The following NSMF variants were observed in gnomAD, a reference collection of about 807,000 sequenced individuals.
NSMF encodes nasal embryonic LHRH factor.
Under a neutral mutation model 71.0 loss-of-function variants are expected in NSMF, and 31 were observed. The observed-to-expected ratio is 0.44, with a 90% confidence interval of 0.33 to 0.59. The LOEUF (loss-of-function observed/expected upper bound fraction) is 0.59. NSMF is among the 20% of genes least tolerant of loss of function. The pLI, the probability that NSMF is intolerant of heterozygous loss-of-function variation, is 0.04. For missense variants in NSMF, 673 were observed against 740.5 expected (o/e 0.91, Z 1.06); for synonymous variants, 345 against 287.1 (o/e 1.20, Z -2.04).
intron 14 of NSMF, 53 bp from the exon 15 acceptor site, chr9:137,449,727 G>A (rs1839815692): frequency 3.9e-6 from 6 of 1,523,808 alleles, no homozygotes; most frequent in East Asian, 4.6e-5. Context: ...GGAAGGAGGA[G>A]CGGGGAGGAG....
chr9:137,458,861 G>A (rs1831018609), intron 1 of NSMF, among the ~76,000 whole-genome samples, 171 bp downstream of exon 1: 2 of 152,136 alleles, frequency 1.3e-5, no homozygotes, highest in African/African-American at 4.8e-5. Context: ...GGGGAGGGGA[G>A]GGAAGAGCAG....
chr9:137,450,419 ACACGCCTCTTCCCTTTGATCTCCCCCC>A (rs1830425792), intron 12 of NSMF, among the ~76,000 whole-genome samples, 164 bp from the exon 13 acceptor site: 2 of 22,370 alleles, frequency 8.9e-5, no homozygotes, highest in African/African-American at 2.0e-4. Flanking sequence ...CTCCCCCACC[ACACGCCTCTTCCCTTTGATCTCCCCCC>A]CACGCCTCTT....
chr9:137,455,051 T>C lies in NSMF; in HGVS notation c.779+188A>G, dbSNP rs1475871929. ...GACACGTGCCCTCGGAGTGCAGGACTGAGGGTGAGATGCTTTCCTGCAGCC... is the reference window on the plus strand; with the variant it reads ...GACACGTGCCCTCGGAGTGCAGGACCGAGGGTGAGATGCTTTCCTGCAGCC... On this transcript the variant is annotated intron_variant, in intron 6 of 15. Transcript: ENST00000371475. 6.7e-6 allele frequency: 5 copies of C among 749,526 alleles called. No individual in the cohort carries two copies. The Admixed American group carries it at 1.0e-4, about 15-fold the overall frequency. The allele number at this position is 749,526 out of a possible 1,614,324, so 46.4% of individuals were successfully genotyped here.
At position 137,459,189 on chromosome 9, in the gene NSMF, C is replaced by G; in HGVS notation, c.-87G>C. The G allele has an allele frequency of 1.0e-6, 1 of 994,554 alleles. No individual in the cohort carries two copies. The highest frequency in any genetic ancestry group is 1.2e-6 in the Non-Finnish European group (1 of 809,118). 61.6% of individuals were successfully genotyped at this position (994,554 alleles called of 1,614,324 possible). A position where few individuals can be genotyped will look rare whatever the true frequency, so the allele number is the denominator to read the frequency against. ...GGGGTAGCCGCGCCGCACCGGGGGTCGCGCTCGGGCTCGGGCTCGGGGTCT... is the reference window on the plus strand; with the variant it reads ...GGGGTAGCCGCGCCGCACCGGGGGTGGCGCTCGGGCTCGGGCTCGGGGTCT... On this transcript the variant is annotated 5_prime_UTR_variant, in exon 1 of 16. Transcript: ENST00000371475.
Position 137,452,947 on chromosome 9 carries a change from C to T in NSMF, c.1047+109G>A, listed in dbSNP as rs979927809. 1.9e-6 allele frequency: 3 copies of T among 1,576,708 alleles called. No homozygotes were observed. The Admixed American group carries it at 5.0e-5, about 26-fold the overall frequency. On this transcript the variant is annotated intron_variant, in intron 9 of 15. Transcript: ENST00000371475. ...GGTATAGCCCTGTGAGACACCCTCC[C>T]CCAGGCAGCTGGAGAAGGCTGCGTG...
chr9:137,452,872 G>A lies in NSMF; in HGVS notation c.1048-53C>T, dbSNP rs746822892. 4.5e-6 allele frequency: 7 copies of A among 1,557,562 alleles called. No individual in the cohort carries two copies. The African/African-American group carries it at 6.8e-5, about 15-fold the overall frequency. ...CCCCAGGCCCATCCAAAAGCCAAGG[G>A]GCTGTGGGAGCCCCCATGAGGCTAC... On this transcript the variant is annotated intron_variant, in intron 9 of 15. Transcript: ENST00000371475.
In NSMF at chr9:137,453,859, C is replaced by T; in HGVS notation, c.833-39G>A. 6.6e-7 allele frequency: 1 copy of T among 1,525,752 alleles called. No individual in the cohort carries two copies. The highest frequency in any genetic ancestry group is 8.8e-7 in the Non-Finnish European group (1 of 1,134,490). The allele number at this position is 1,525,752 out of a possible 1,614,324, so 94.5% of individuals were successfully genotyped here. A position where few individuals can be genotyped will look rare whatever the true frequency, so the allele number is the denominator to read the frequency against. On this transcript the variant is annotated intron_variant, in intron 7 of 15. Transcript: ENST00000371475. The surrounding 1 kb of genome is among the most constrained non-coding windows in gnomAD (Gnocchi z 4.5). ...AACCCGCATTAGCGAGCGGGTGGGG[C>T]GGGGCCTCGGGAGTCTCAGACCCCA...
In NSMF at chr9:137,458,500, G is replaced by A. The variant is rs1186752982; in HGVS notation, c.121C>T (p.Arg41Cys). Residue 41 changes from arginine to cysteine, a missense_variant, in exon 2 of 16, where the codon CGC becomes TGC. Physicochemically the swap from Arg to Cys is radical, Grantham distance 180. This residue lies in a region of NSMF where 471 missense variants were observed against 459.6 expected (regional missense o/e 1.02). Coordinates refer to ENST00000371475, the MANE Select transcript of NSMF (RefSeq NM_001130969.3). ...EYLSQSHPEN[R>C]NGADHLLADA... is the part of the protein sequence containing the mutation. The stretch of plus-strand genomic sequence containing the variant: ...CGCGTGCCCCTACCTGCGCCGTTGC[G>A]GTTCTCAGGGTGACTCTGGGACAGG... The A allele has an allele frequency of 5.0e-6, 8 of 1,593,312 alleles. No homozygotes were observed. The highest frequency in any genetic ancestry group is 4.6e-5 in the East Asian group (2 of 43,516).
chr9:137,455,228 G>C lies in NSMF; in HGVS notation c.779+11C>G, dbSNP rs751925940. ...GATGGACCCTGGTGGCGAGTGGCTG[G>C]CAGGCCCTACCTCTGGATTACAGAC... On this transcript the variant is annotated intron_variant, in intron 6 of 15. Transcript: ENST00000371475. 1 of 1,612,404 alleles carries C rather than the reference G, an allele frequency of 6.2e-7. No individual in the cohort carries two copies.
At chr9:137,454,841 G>A in intron 6 of NSMF, 1 of 1,194,788 alleles carries the variant, frequency 8.4e-7, no homozygotes. Flanking sequence ...GCGGGCTGGG[G>A]GCCTGCAGGA....
chr9:137,454,535 C>T, intron 6 of NSMF, 92 bp from the exon 7 acceptor site: 1 of 1,549,346 alleles, frequency 6.5e-7, no homozygotes. Context: ...GCTCTACTCT[C>T]ACCCCTTCGG....
chr9:137,454,071 G>A (rs7467210), intron 7 of NSMF, among the ~76,000 whole-genome samples: 2 of 142,250 alleles, frequency 1.4e-5, no homozygotes, highest in East Asian at 2.2e-4. Flanking sequence ...GTGGCTGGGA[G>A]GGGAGGAGCC....
chr9:137,453,551 G>A lies in NSMF; in HGVS notation c.922+180C>T, dbSNP rs901847336. 20 of 622,342 alleles carry A rather than the reference G, an allele frequency of 3.2e-5. No individual in the cohort carries two copies. The highest frequency in any genetic ancestry group is 4.7e-5 in the Non-Finnish European group (17 of 359,626). 38.6% of individuals were successfully genotyped at this position (622,342 alleles called of 1,614,324 possible). ...GCCCCCGGCCAGCACTGCCGCGGCCGTTGTTAGCCCCGCCTTTGCGATCGG... is the reference window on the plus strand; with the variant it reads ...GCCCCCGGCCAGCACTGCCGCGGCCATTGTTAGCCCCGCCTTTGCGATCGG... On this transcript the variant is annotated intron_variant, in intron 8 of 15. Transcript: ENST00000371475. The surrounding 1 kb of genome is among the most constrained non-coding windows in gnomAD (Gnocchi z 4.5).
At chr9:137,454,318 A>G (rs1830719838) in intron 7 of NSMF, 73 bp downstream of exon 7, 1 of 1,408,574 alleles carries the variant, frequency 7.1e-7, no homozygotes, top group Non-Finnish European at 9.8e-7. Context: ...TTCTTATCGC[A>G]GCTAGCAGCA....
In NSMF at chr9:137,453,100, C is replaced by T. The variant is rs764100739; in HGVS notation, c.1003G>A (p.Ala335Thr). Residue 335 changes from alanine (A) to threonine (T), a missense_variant, in exon 9 of 16, where the codon GCT becomes ACT. Coordinates refer to ENST00000371475, the MANE Select transcript of NSMF (RefSeq NM_001130969.3). The surrounding 1 kb of genome is among the most constrained non-coding windows in gnomAD (Gnocchi z 4.5). ...AAGCCTTCGGTGTCGCAGGCCACAG[C>T]CTCCAGGCCCTTCTCAGTGTCCCAG... ...LDWDTEKGLE[A>T]VACDTEGFVP... The T allele has an allele frequency of 3.1e-6, 5 of 1,612,660 alleles. No homozygotes were observed. Among genetic ancestry groups the T allele is most frequent in the Admixed American group, 1.7e-5 (1 of 60,024 alleles).
chr9:137,454,875 T>C (rs921583452), intron 6 of NSMF: 2 of 511,650 alleles, frequency 3.9e-6, no homozygotes, highest in Non-Finnish European at 5.0e-6. Flanking sequence ...CTCTGTGTCC[T>C]TGAGCCACCT....
In NSMF at chr9:137,459,014, C is replaced by T. The variant is rs1198370463; in HGVS notation, c.71+18G>A. ...AGGTCCAGGGCGGGGTGCGGGAAGG[C>T]GGCCCCGCCGCACTCACCGCACTTT... On this transcript the variant is annotated intron_variant, in intron 1 of 15. Coordinates refer to ENST00000371475, the MANE Select transcript of NSMF (RefSeq NM_001130969.3). 7.9e-7 allele frequency: 1 copy of T among 1,272,956 alleles called. No homozygotes were observed. The highest frequency in any genetic ancestry group is 9.9e-7 in the Non-Finnish European group (1 of 1,010,300). The allele number at this position is 1,272,956 out of a possible 1,614,324, so 78.9% of individuals were successfully genotyped here.
rs989468815 is a variant in NSMF at position 137,448,814 on chromosome 9, C to T, written c.*580G>A. On this transcript the variant is annotated 3_prime_UTR_variant, in exon 16 of 16. Transcript: ENST00000371475. The surrounding 1 kb of genome is among the most constrained non-coding windows in gnomAD (Gnocchi z 5.3). ...AAGCACAGACAGTCGGAGACTCGGC[C>T]AGTGTAGACAGACCCAGAGACTCGG... 2.4e-5 allele frequency: 4 copies of T among 166,198 alleles called. No individual in the cohort carries two copies. The highest frequency in any genetic ancestry group is 9.6e-5 in the African/African-American group (4 of 41,570). The allele number at this position is 166,198 out of a possible 1,614,324, so 10.3% of individuals were successfully genotyped here.
Position 137,455,631 on chromosome 9 carries a change from G to A in NSMF, c.708C>T (p.Ile236=). Residue 236 remains isoleucine, a splice_region_variant and synonymous_variant, in exon 5 of 16, where the codon ATC becomes ATT. Transcript: ENST00000371475. ...FQTATTTMQA[I]SVFRGYAERK... ...CACCAAGTCATACAGGTACTTACGAGATGCTGAAGCCAGGGCCAGAAGGGA... is the reference window on the plus strand; with the variant it reads ...CACCAAGTCATACAGGTACTTACGAAATGCTGAAGCCAGGGCCAGAAGGGA... 6.4e-7 allele frequency: 1 copy of A among 1,550,392 alleles called. No homozygotes were observed. The highest frequency in any genetic ancestry group is 2.0e-5 in the Admixed American group (1 of 51,016).
Sources: allele counts gnomAD v4.1 joint callset (sites outside exome capture counted in the v4.1 genomes callset), GRCh38; gene constraint gnomAD v4.1.1; regional missense constraint gnomAD v4.1.1; non-coding constraint Gnocchi (gnomAD v3.1); transcripts MANE v1.5; gene names NCBI Gene and HGNC (gene_info 2026-07-23, HGNC 2026-07-21).